NDUFAF2: variants seen among roughly 807,000 people sequenced by gnomAD.
The protein encoded by NDUFAF2 is NADH:ubiquinone oxidoreductase complex assembly factor 2.
In NDUFAF2, 13 loss-of-function variants were observed where a neutral mutation model predicts 22.8. The ratio of observed to expected loss-of-function variants is 0.57; its 90% confidence interval spans 0.37 to 0.91. The LOEUF (loss-of-function observed/expected upper bound fraction) is 0.91, where lower values mean the gene tolerates loss of function less well. Ranked by LOEUF, NDUFAF2 falls within the 40% of genes least tolerant of loss-of-function variation. The pLI, the probability that NDUFAF2 is intolerant of heterozygous loss-of-function variation, is 0.01. For synonymous variants in NDUFAF2, 53 were observed against 64.2 expected, an observed-to-expected ratio of 0.83 and a Z score of 0.84; for missense variants, 162 against 195.2, an observed-to-expected ratio of 0.83 and a Z score of 1.01.
At chr5:60,949,637 A>G (rs1012137024) in intron 1 of NDUFAF2, among the ~76,000 whole-genome samples, 1 of 152,216 alleles carries the variant, frequency 6.6e-6, no homozygotes, top group African/African-American at 2.4e-5. Flanking sequence ...TTAGCCTCAC[A>G]AAGTATTTTT....
chr5:60,983,677 T>C (rs1370947516), intron 1 of NDUFAF2, among the ~76,000 whole-genome samples: 1 of 151,282 alleles, frequency 6.6e-6, no homozygotes, highest in African/African-American at 2.4e-5. Context: ...CCATTTCTTG[T>C]TTTTGTCAGG....
intron 1 of NDUFAF2, among the ~76,000 whole-genome samples, chr5:60,999,482 T>C (rs575726530): frequency 6.6e-6 from 1 of 152,198 alleles, no homozygotes; most frequent in Admixed American, 6.6e-5. Context: ...AGGGGACGTA[T>C]TGTATGATTC....
chr5:61,109,218 A>G (rs557559208), intron 3 of NDUFAF2, among the ~76,000 whole-genome samples: 18 of 152,244 alleles, frequency 1.2e-4, no homozygotes, highest in South Asian at 4.1e-4. Flanking sequence ...GTTTGTAGCT[A>G]TTGTAAATGG....
chr5:60,962,358 T>A (rs1035086495), intron 1 of NDUFAF2, among the ~76,000 whole-genome samples: 1 of 152,216 alleles, frequency 6.6e-6, no homozygotes, highest in Non-Finnish European at 1.5e-5. Context: ...TGATTAATAC[T>A]GTATTCACTG....
At chr5:61,130,367 A>G (rs375255092) in intron 3 of NDUFAF2, among the ~76,000 whole-genome samples, 2 of 152,118 alleles carry the variant, frequency 1.3e-5, no homozygotes, top group African/African-American at 4.8e-5. Context: ...ATTCATTTTG[A>G]AAAGGGAACA....
intron 1 of NDUFAF2, among the ~76,000 whole-genome samples, chr5:61,054,282 ATTGT>A (rs1241140443): frequency 6.6e-6 from 1 of 152,230 alleles, no homozygotes; most frequent in Non-Finnish European, 1.5e-5. Flanking sequence ...ATATATTCAC[ATTGT>A]AAAAACAACT....
intron 1 of NDUFAF2, among the ~76,000 whole-genome samples, chr5:61,067,428 C>A (rs993538996): frequency 1.3e-5 from 2 of 150,810 alleles, no homozygotes; most frequent in Non-Finnish European, 1.5e-5. Flanking sequence ...TTTGTCCTTG[C>A]GATAGTTTGC....
chr5:61,143,014 C>A (rs1741080882), intron 3 of NDUFAF2, among the ~76,000 whole-genome samples: 3 of 152,136 alleles, frequency 2.0e-5, no homozygotes, highest in African/African-American at 7.2e-5. Context: ...GCTGAGACAT[C>A]ACTATAGCAT....
intron 2 of NDUFAF2, among the ~76,000 whole-genome samples, chr5:61,079,614 G>A (rs1474082074): frequency 6.6e-6 from 1 of 152,222 alleles, no homozygotes; most frequent in Admixed American, 6.5e-5. Context: ...AGATTAGAGA[G>A]AATATTCTTG....
intron 3 of NDUFAF2, among the ~76,000 whole-genome samples, chr5:61,144,970 A>G (rs1409334539): frequency 6.6e-6 from 1 of 152,174 alleles, no homozygotes; most frequent in Non-Finnish European, 1.5e-5. Context: ...CTTTATGGAA[A>G]GTTAATGTAT....
chr5:60,982,973 ACACTGACTTC>A (rs1482199525), intron 1 of NDUFAF2, among the ~76,000 whole-genome samples: 1 of 151,896 alleles, frequency 6.6e-6, no homozygotes, highest in Non-Finnish European at 1.5e-5. Flanking sequence ...AGGAATCGCC[ACACTGACTTC>A]CACAATGGTT....
chr5:61,140,188 T>C (rs952861568), intron 3 of NDUFAF2, among the ~76,000 whole-genome samples: 1 of 152,254 alleles, frequency 6.6e-6, no homozygotes, highest in African/African-American at 2.4e-5. Flanking sequence ...GCTTGCAAAG[T>C]GTCACTGTCA....
In NDUFAF2 at chr5:60,979,123, CA is replaced by C. The variant is rs147699320; in HGVS notation, c.127+33745del. On this transcript the variant is annotated intron_variant, in intron 1 of 3. Transcript: ENST00000296597. ...CCCTGCAGGATTTATTACTTGCTGA[CA>C]AAAGTGCCTTGGGCCCTGAATAATC... Among the ~76,000 whole-genome samples the C allele has an allele frequency of 1.2e-3, 188 of 152,264 alleles. 1 individual carries two copies. The highest frequency in any genetic ancestry group is 4.4e-3 in the African/African-American group (184 of 41,566).
At chr5:61,034,912 A>ATGTG (rs1554080641) in intron 1 of NDUFAF2, among the ~76,000 whole-genome samples, 4,902 of 144,884 alleles carry the variant, frequency 0.034, 220 homozygotes, top group African/African-American at 0.098. Context: ...GCAAATATAT[A>ATGTG]TGTGTGTGTG....
At chr5:60,950,645 T>G (rs1196402912) in intron 1 of NDUFAF2, among the ~76,000 whole-genome samples, 1 of 151,820 alleles carries the variant, frequency 6.6e-6, no homozygotes, top group African/African-American at 2.4e-5. Flanking sequence ...TGCTGGGTTT[T>G]TTTTTTTTTT....
chr5:61,085,179 A>G (rs953499305), intron 2 of NDUFAF2, among the ~76,000 whole-genome samples: 1 of 152,204 alleles, frequency 6.6e-6, no homozygotes, highest in Non-Finnish European at 1.5e-5. Flanking sequence ...GAATCCAGCA[A>G]TATATAAAAA....
At chr5:61,046,536 CTT>C (rs1330277025) in intron 1 of NDUFAF2, among the ~76,000 whole-genome samples, 5 of 151,992 alleles carry the variant, frequency 3.3e-5, no homozygotes, top group Non-Finnish European at 7.4e-5. Flanking sequence ...GGTTGTGTCT[CTT>C]ATATTTAACC....
chr5:61,103,492 TA>T (rs1350309695), intron 3 of NDUFAF2, among the ~76,000 whole-genome samples: 1 of 152,162 alleles, frequency 6.6e-6, no homozygotes, highest in Non-Finnish European at 1.5e-5. Context: ...AGTTCAATAT[TA>T]AAATTCTGTG....
intron 1 of NDUFAF2, among the ~76,000 whole-genome samples, chr5:60,962,758 G>A (rs181920700): frequency 3.3e-5 from 5 of 151,372 alleles, no homozygotes; most frequent in South Asian, 2.1e-4. Context: ...GCTTGAACCC[G>A]GGAGGCGGAG....
Sources: allele counts gnomAD v4.1 joint callset (sites outside exome capture counted in the v4.1 genomes callset), GRCh38; gene constraint gnomAD v4.1.1; transcripts MANE v1.5; gene names NCBI Gene and HGNC (gene_info 2026-07-23, HGNC 2026-07-21).